Variants in PHACTR2 observed in about 807,000 individuals in gnomAD.
PHACTR2 encodes the protein phosphatase and actin regulator 2, also known as chromosome 6 open reading frame 56.
PHACTR2 carries 30 observed loss-of-function variants against 76.0 expected under a neutral mutation model. The ratio of observed to expected loss-of-function variants is 0.39; its 90% CI spans 0.30 to 0.54. The LOEUF (loss-of-function observed/expected upper bound fraction) is 0.54. Among genes scored for constraint, PHACTR2 ranks in the 20% least tolerant of loss-of-function variants. The pLI is 0.61. For synonymous variants in PHACTR2, 292 were observed against 292.5 expected, an observed-to-expected ratio of 1.00 and a Z score of 0.02; for missense variants, 696 against 781.1, an observed-to-expected ratio of 0.89 and a Z score of 1.30.
At chr6:143,725,141 C>T (rs1450903203) in intron 2 of PHACTR2, among the ~76,000 whole-genome samples, 2 of 150,656 alleles carry the variant, frequency 1.3e-5, no homozygotes, top group African/African-American at 4.9e-5. Context: ...TGCATAATCG[C>T]TACCACAGTC....
Position 143,679,822 on chromosome 6 carries a change from C to T in PHACTR2, c.46+1613C>T, listed in dbSNP as rs1279128718. Among the ~76,000 whole-genome samples, 1 of 152,102 alleles carries T rather than the reference C, an allele frequency of 6.6e-6. No homozygotes were observed. Among genetic ancestry groups the T allele is most frequent in the Non-Finnish European group, 1.5e-5 (1 of 68,016 alleles). On this transcript the variant is annotated intron_variant, in intron 1 of 12. Coordinates refer to ENST00000440869, the MANE Select transcript of PHACTR2 (RefSeq NM_001100164.2). The surrounding 1 kb of genome is among the most constrained non-coding windows in gnomAD (Gnocchi z 4.6). Reference sequence around the variant, plus strand: ...TAAAATGACTGATTATAATGAGAAACTGTAATCTACTTAAGTAAAAAGTGT... The same window carrying T: ...TAAAATGACTGATTATAATGAGAAATTGTAATCTACTTAAGTAAAAAGTGT...
chr6:143,676,080 T>A (rs1777239889), upstream of PHACTR2, among the ~76,000 whole-genome samples: 2 of 152,186 alleles, frequency 1.3e-5, no homozygotes, highest in African/African-American at 2.4e-5. This position sits in a 1 kb window ranked among gnomAD's most constrained non-coding sequence, Gnocchi z 4.8. Flanking sequence ...GAAAGAAAAC[T>A]TAGTGCACAC....
intron 1 of PHACTR2, among the ~76,000 whole-genome samples, chr6:143,668,592 G>A (rs1313932375): frequency 6.6e-6 from 1 of 152,122 alleles, no homozygotes; most frequent in Non-Finnish European, 1.5e-5. Flanking sequence ...CTTCTTCCTG[G>A]TTTAGTCTTG....
rs542659001 is a variant in PHACTR2 at position 143,777,405 on chromosome 6, A to T, written c.1645+22A>T. 7.2e-7 allele frequency: 1 copy of T among 1,397,044 alleles called. No homozygotes were observed. The highest frequency in any genetic ancestry group is 1.8e-5 in the Admixed American group (1 of 54,274). 86.5% of individuals were successfully genotyped at this position (1,397,044 alleles called of 1,614,324 possible). A position where few individuals can be genotyped will look rare whatever the true frequency, so the allele number is the denominator to read the frequency against. On this transcript the variant is annotated intron_variant, in intron 9 of 12. Coordinates refer to ENST00000440869, the MANE Select transcript of PHACTR2 (RefSeq NM_001100164.2). The surrounding 1 kb of genome is among the most constrained non-coding windows in gnomAD (Gnocchi z 4.6). ...AAACGTGAGTATTCTATACTATAGAATGATTCCTTGTGTAATCGCTAACAA... is the reference window on the plus strand; with the variant it reads ...AAACGTGAGTATTCTATACTATAGATTGATTCCTTGTGTAATCGCTAACAA...
At chr6:143,575,186 T>C (rs1775491268) in intron 1 of PHACTR2, among the ~76,000 whole-genome samples, 1 of 152,256 alleles carries the variant, frequency 6.6e-6, no homozygotes, top group African/African-American at 2.4e-5. Flanking sequence ...ACGAATTAAT[T>C]TCTCCATATT....
rs370227135 is a variant in PHACTR2 at position 143,823,518 on chromosome 6, C to A, written c.1923-156C>A. On this transcript the variant is annotated intron_variant, in intron 12 of 12. Transcript: ENST00000440869. The surrounding 1 kb of genome is among the most constrained non-coding windows in gnomAD (Gnocchi z 5.7). ...ATGCTTTCCTTAATAATATTTGTAA[C>A]AGTATTTTGTTATGACAGAAATTTG... Among the ~76,000 whole-genome samples, 9 of 152,110 alleles carry A rather than the reference C, an allele frequency of 5.9e-5. No homozygotes were observed. The highest frequency in any genetic ancestry group is 2.2e-4 in the African/African-American group (9 of 41,490).
chr6:143,753,952 T>A lies in PHACTR2; in HGVS notation c.454+40T>A, dbSNP rs754777419. 1 of 1,437,878 alleles carries A rather than the reference T, an allele frequency of 7.0e-7. No homozygotes were observed. Among genetic ancestry groups the A allele is most frequent in the Non-Finnish European group, 9.4e-7 (1 of 1,061,882 alleles). The allele number at this position is 1,437,878 out of a possible 1,614,324, so 89.1% of individuals were successfully genotyped here. ...AACCCATATTATTTACTTTAGTATA[T>A]AGCTCAATGTCTAGAACCAGCACTT... On this transcript the variant is annotated intron_variant, in intron 4 of 12. Coordinates refer to ENST00000440869, the MANE Select transcript of PHACTR2 (RefSeq NM_001100164.2). This position sits in a 1 kb window ranked among gnomAD's most constrained non-coding sequence, Gnocchi z 4.6.
At position 143,761,221 on chromosome 6, in the gene PHACTR2, C is replaced by G. The variant is rs189906716; in HGVS notation, c.694+581C>G. 2.0e-5 allele frequency among the ~76,000 whole-genome samples: 3 copies of G among 152,324 alleles called. No individual in the cohort carries two copies. Among genetic ancestry groups the G allele is most frequent in the Non-Finnish European group, 4.4e-5 (3 of 68,036 alleles). The stretch of plus-strand genomic sequence containing the variant: ...TATTTCAGTGGAGTGGAAAGTTACA[C>G]TCTCAGTGTTCCACACCTCCCCTGT... On this transcript the variant is annotated intron_variant, in intron 5 of 12. Coordinates refer to ENST00000440869, the MANE Select transcript of PHACTR2 (RefSeq NM_001100164.2). The surrounding 1 kb of genome is among the most constrained non-coding windows in gnomAD (Gnocchi z 5.2).
rs1775166331 is a variant in PHACTR2 at position 143,772,135 on chromosome 6, C to G, written c.1233-123C>G. The G allele has an allele frequency of 1.4e-6, 1 of 694,270 alleles. No homozygotes were observed. The highest frequency in any genetic ancestry group is 2.6e-6 in the Non-Finnish European group (1 of 384,644). 43.0% of individuals were successfully genotyped at this position (694,270 alleles called of 1,614,324 possible). The stretch of plus-strand genomic sequence containing the variant: ...TCAGTGACTTTAGCCTGGCCTATGT[C>G]AAGTGTCTGCTTTCCTCAGCCTGAA... On this transcript the variant is annotated intron_variant, in intron 6 of 12. Coordinates refer to ENST00000440869, the MANE Select transcript of PHACTR2 (RefSeq NM_001100164.2). This position sits in a 1 kb window ranked among gnomAD's most constrained non-coding sequence, Gnocchi z 5.4.
In PHACTR2 at chr6:143,652,777, G is replaced by A. The variant is rs1356538740; in HGVS notation, c.13+44455G>A. On this transcript the variant is annotated intron_variant, in intron 1 of 11. Transcript: ENST00000305766. This position sits in a 1 kb window ranked among gnomAD's most constrained non-coding sequence, Gnocchi z 4.5. Reference sequence around the variant, plus strand: ...GAATGCCCACCTGGAGATAAGTCTTGGCTGTCACACCTGGACCGCCTGCTC... The same window carrying A: ...GAATGCCCACCTGGAGATAAGTCTTAGCTGTCACACCTGGACCGCCTGCTC... Among the ~76,000 whole-genome samples, 1 of 152,160 alleles carries A rather than the reference G, an allele frequency of 6.6e-6. No individual in the cohort carries two copies. Among genetic ancestry groups the A allele is most frequent in the Non-Finnish European group, 1.5e-5 (1 of 68,040 alleles).
rs1368365635 is a variant in PHACTR2, at chr6:143,599,334, G to GA, written c.217+62133dup. Reference sequence around the variant, plus strand: ...ATCAGGCAGAAATTGATTCATGAGAGAAAAAAGTAACATGCTTTTTAGGCA... The same window carrying GA: ...ATCAGGCAGAAATTGATTCATGAGAGAAAAAAAGTAACATGCTTTTTAGGCA... On this transcript the variant is annotated intron_variant, in intron 1 of 11. Transcript: ENST00000367584. The surrounding 1 kb of genome is among the most constrained non-coding windows in gnomAD (Gnocchi z 4.6). Among the ~76,000 whole-genome samples, 1 of 152,178 alleles carries GA rather than the reference G, an allele frequency of 6.6e-6. No individual in the cohort carries two copies. The highest frequency in any genetic ancestry group is 1.5e-5 in the Non-Finnish European group (1 of 68,022).
intron 1 of PHACTR2, among the ~76,000 whole-genome samples, chr6:143,563,832 CA>C (rs57687039): frequency 8.8e-4 from 128 of 145,228 alleles, no homozygotes; most frequent in South Asian, 3.5e-3. Context: ...CCTGTCTCTA[CA>C]AAAAAAAAAA....
At chr6:143,612,313 A>T (rs964450494) in intron 1 of PHACTR2, among the ~76,000 whole-genome samples, 1 of 152,204 alleles carries the variant, frequency 6.6e-6, no homozygotes, top group Admixed American at 6.5e-5. Context: ...GTAAGCACGA[A>T]GACATTTCAT....
At chr6:143,729,174 GT>G (rs1475202504) in intron 2 of PHACTR2, among the ~76,000 whole-genome samples, 1 of 151,946 alleles carries the variant, frequency 6.6e-6, no homozygotes, top group African/African-American at 2.4e-5. Context: ...TCTTTTGCCT[GT>G]TTTTTAATTG....
At chr6:143,788,656 TTG>T in intron 10 of PHACTR2, 115 bp from the exon 11 acceptor site, 34 of 617,524 alleles carry the variant, frequency 5.5e-5, no homozygotes, top group Admixed American at 2.0e-4. Flanking sequence ...TTTTTTTTTT[TTG>T]ATCTGAAAGT....
At position 143,680,160 on chromosome 6, in the gene PHACTR2, A is replaced by T. The variant is rs1016846822; in HGVS notation, c.46+1951A>T. ...CCAAATGAAAACCAAAAAAAAAAAA[A>T]TTTAAATTAAATAACGTTTGCTGAG... On this transcript the variant is annotated intron_variant, in intron 1 of 12. Coordinates refer to ENST00000440869, the MANE Select transcript of PHACTR2 (RefSeq NM_001100164.2). The surrounding 1 kb of genome is among the most constrained non-coding windows in gnomAD (Gnocchi z 4.5). 1.3e-5 allele frequency among the ~76,000 whole-genome samples: 2 copies of T among 151,096 alleles called. No homozygotes were observed. Among genetic ancestry groups the T allele is most frequent in the Non-Finnish European group, 2.9e-5 (2 of 67,816 alleles).
At chr6:143,572,223 G>A (rs550684317) in intron 1 of PHACTR2, among the ~76,000 whole-genome samples, 1 of 152,188 alleles carries the variant, frequency 6.6e-6, no homozygotes, top group East Asian at 1.9e-4. Context: ...GCTCCTCACT[G>A]GCTTGAATTC....
rs1488200593 is a variant in PHACTR2, at chr6:143,562,007, CTCT to C, written c.217+24806_217+24808del. 2 of 152,192 alleles carry C rather than the reference CTCT, an allele frequency of 1.3e-5. No individual in the cohort carries two copies. The highest frequency in any genetic ancestry group is 4.8e-5 in the African/African-American group (2 of 41,436). The allele number at this position is 152,192 out of a possible 1,614,324, so 9.4% of individuals were successfully genotyped here. ...TTCCTTTGCTTGGAGGGCCTCCTGTCTCTTCTTCATCTGACGCAGAGCTTCTGC... is the reference window on the plus strand; with the variant it reads ...TTCCTTTGCTTGGAGGGCCTCCTGTCTCTTCATCTGACGCAGAGCTTCTGC... On this transcript the variant is annotated intron_variant, in intron 1 of 11. Coordinates refer to the PHACTR2 transcript ENST00000367584. This position sits in a 1 kb window ranked among gnomAD's most constrained non-coding sequence, Gnocchi z 5.1.
upstream of PHACTR2, among the ~76,000 whole-genome samples, chr6:143,607,070 G>T (rs1366325784): frequency 6.6e-6 from 1 of 152,166 alleles, no homozygotes; most frequent in Non-Finnish European, 1.5e-5. Flanking sequence ...AATAATTTGT[G>T]ACCGGTGTGT....
Sources: allele counts gnomAD v4.1 joint callset (sites outside exome capture counted in the v4.1 genomes callset), GRCh38; gene constraint gnomAD v4.1.1; non-coding constraint Gnocchi (gnomAD v3.1); transcripts MANE v1.5; gene names NCBI Gene and HGNC (gene_info 2026-07-23, HGNC 2026-07-21).